Variants in SH3TC2 observed in about 807,000 individuals in gnomAD.
The protein encoded by SH3TC2 is SH3 domain and tetratricopeptide repeats 2.
Under a neutral mutation model 124.5 loss-of-function variants are expected in SH3TC2, and 87 were observed. That is an observed-to-expected ratio of 0.70 (90% confidence interval 0.59 to 0.84). The LOEUF (loss-of-function observed/expected upper bound fraction) is 0.84. Among genes scored for constraint, SH3TC2 ranks in the 40% least tolerant of loss-of-function variants. The probability of loss-of-function intolerance (pLI) is 0.00; values close to 1 mark genes in which losing one functional copy is unlikely to be tolerated. For missense variants in SH3TC2, 1,536 were observed against 1,566.4 expected, an observed-to-expected ratio of 0.98 and a Z score of 0.33; for synonymous variants, 634 against 628.5, an observed-to-expected ratio of 1.01 and a Z score of -0.13.
intron 8 of SH3TC2, among the ~76,000 whole-genome samples, chr5:149,032,237 A>C (rs1201831565): frequency 6.6e-6 from 1 of 152,196 alleles, no homozygotes; most frequent in Non-Finnish European, 1.5e-5. Context: ...CAGTTTAGTC[A>C]ACATTAAGAG....
intron 1 of SH3TC2, among the ~76,000 whole-genome samples, chr5:149,052,751 T>C (rs975941934): frequency 6.6e-6 from 1 of 151,970 alleles, no homozygotes; most frequent in African/African-American, 2.4e-5. Context: ...TTCCCAACTC[T>C]GAAAAGTTAC....
At chr5:149,005,020 G>T (rs1753663689) in intron 16 of SH3TC2, 118 bp from the exon 17 acceptor site, 1 of 1,221,510 alleles carries the variant, frequency 8.2e-7, no homozygotes, top group African/African-American at 1.5e-5. Context: ...TTGTTTGTTT[G>T]CCCAACATCC....
At chr5:149,048,777 G>A (rs2127402535) in intron 2 of SH3TC2, among the ~76,000 whole-genome samples, 1 of 152,240 alleles carries the variant, frequency 6.6e-6, no homozygotes, top group African/African-American at 2.4e-5. Flanking sequence ...AAATTAATGG[G>A]GTCAAGAGAC....
intron 2 of SH3TC2, among the ~76,000 whole-genome samples, chr5:149,049,550 T>G (rs1754522105): frequency 6.6e-6 from 1 of 152,104 alleles, no homozygotes. Context: ...GAGGAGCACT[T>G]AAGCTCAGGA....
In SH3TC2 at chr5:148,999,324, T is replaced by G. The variant is rs1561753843; in HGVS notation, c.*5387A>C. ...ATGACATAAGTAAGTCTGATATAAT[T>G]CTGACAGCCCTGGGCTCAGGGAAGT... On this transcript the variant is annotated 3_prime_UTR_variant, in exon 17 of 17. Coordinates refer to ENST00000515425, the MANE Select transcript of SH3TC2 (RefSeq NM_024577.4). 6.6e-6 allele frequency among the ~76,000 whole-genome samples: 1 copy of G among 152,208 alleles called. No homozygotes were observed. Among genetic ancestry groups the G allele is most frequent in the Non-Finnish European group, 1.5e-5 (1 of 68,038 alleles).
Position 149,028,201 on chromosome 5 carries a change from G to T in SH3TC2, c.1531C>A (p.Leu511Met). The change falls in exon 11 of 17, where the codon CTG becomes ATG. Residue 511 changes from leucine (L) to methionine (M), a missense_variant. Leu to Met is a conservative substitution (Grantham distance 15, BLOSUM62 2). Coordinates refer to ENST00000515425, the MANE Select transcript of SH3TC2 (RefSeq NM_024577.4). ...FSEEDEFVAYLEASRKWAKKS... is the reference protein window; with the variant it reads ...FSEEDEFVAYMEASRKWAKKS... ...TTGGCCCACTTTCTTGATGCCTCCA[G>T]GTAGGCCACAAACTCATCCTCCTCA... 6.2e-7 allele frequency: 1 copy of T among 1,614,044 alleles called. No homozygotes were observed. The highest frequency in any genetic ancestry group is 8.5e-7 in the Non-Finnish European group (1 of 1,180,016).
intron 1 of SH3TC2, among the ~76,000 whole-genome samples, chr5:149,056,298 G>T (rs1050039857): frequency 5.3e-5 from 8 of 151,990 alleles, no homozygotes; most frequent in Non-Finnish European, 1.2e-4. Flanking sequence ...AGTGTCTGTT[G>T]TTTTCCTCTT....
intron 12 of SH3TC2, among the ~76,000 whole-genome samples, chr5:149,018,858 G>A (rs954179093): frequency 4.6e-5 from 7 of 152,056 alleles, no homozygotes; most frequent in African/African-American, 1.5e-4. Context: ...TCCTTCAAGG[G>A]CCTCCTCAAA....
intron 8 of SH3TC2, among the ~76,000 whole-genome samples, chr5:149,037,493 C>T (rs1348085511): frequency 6.6e-6 from 1 of 152,204 alleles, no homozygotes; most frequent in Non-Finnish European, 1.5e-5. Context: ...TTGGCTATTT[C>T]CCACAAGAGA....
chr5:149,006,849 C>T, intron 16 of SH3TC2, 32 bp downstream of exon 16: 1 of 1,605,176 alleles, frequency 6.2e-7, no homozygotes, highest in South Asian at 1.1e-5. Flanking sequence ...TGGGTGGTGG[C>T]TGTCAGGAAA....
At chr5:149,020,688 C>T (rs975857673) in intron 12 of SH3TC2, among the ~76,000 whole-genome samples, 1 of 151,946 alleles carries the variant, frequency 6.6e-6, no homozygotes, top group African/African-American at 2.4e-5. Flanking sequence ...ATAAAAAGAC[C>T]AAAATTGTCA....
At chr5:149,061,698 C>T (rs1004354219) in intron 1 of SH3TC2, among the ~76,000 whole-genome samples, 1 of 152,200 alleles carries the variant, frequency 6.6e-6, no homozygotes, top group African/African-American at 2.4e-5. Flanking sequence ...ATGACAACTG[C>T]ATAACTAGAG....
chr5:149,001,450 G>C lies in SH3TC2; in HGVS notation c.*3261C>G, dbSNP rs1753595910. 1 of 152,102 alleles carries C rather than the reference G, an allele frequency of 6.6e-6. No homozygotes were observed. Among genetic ancestry groups the C allele is most frequent in the South Asian group, 2.1e-4 (1 of 4,826 alleles). 9.4% of individuals were successfully genotyped at this position (152,102 alleles called of 1,614,324 possible). The stretch of plus-strand genomic sequence containing the variant: ...ACAATTAGAATAAAGAGGGTAACTA[G>C]ATCATGTTTGGCTATGATACACTTA... On this transcript the variant is annotated 3_prime_UTR_variant, in exon 17 of 17. Transcript: ENST00000515425.
In SH3TC2 at chr5:148,989,072, T is replaced by C. The variant is rs190478262; in HGVS notation, c.*15639A>G. On this transcript the variant is annotated 3_prime_UTR_variant, in exon 17 of 17. Transcript: ENST00000515425. ...ACACACAAAACAATGTCTTGGATTG[T>C]GGAAGAATTTGCTATTGTCATTGTT... Among the ~76,000 whole-genome samples, 220 of 152,292 alleles carry C rather than the reference T, an allele frequency of 1.4e-3. 2 individuals are homozygous for C. The highest frequency in any genetic ancestry group is 4.9e-3 in the African/African-American group (204 of 41,572).
At chr5:149,024,783 C>A (rs1409647729) in intron 12 of SH3TC2, among the ~76,000 whole-genome samples, 1 of 152,158 alleles carries the variant, frequency 6.6e-6, no homozygotes, top group African/African-American at 2.4e-5. Context: ...CCCATCACAT[C>A]AGGTCAGTGA....
At position 149,040,646 on chromosome 5, in the gene SH3TC2, C is replaced by T; in HGVS notation, c.763G>A (p.Gly255Ser). 1 of 1,614,152 alleles carries T rather than the reference C, an allele frequency of 6.2e-7. No individual in the cohort carries two copies. Among genetic ancestry groups the T allele is most frequent in the Non-Finnish European group, 8.5e-7 (1 of 1,180,030 alleles). ...WFLKNYPGSCGLSRKRDWTGS... is the reference protein window; with the variant it reads ...WFLKNYPGSCSLSRKRDWTGS... ...GTCCAATCCCTCTTCCTGGAAAGGC[C>T]ACAGCTTCCTGGATAATTCTTTAGG... The change falls in exon 7 of 17, where the codon GGC becomes AGC. Residue 255 changes from glycine to serine, a missense_variant. Gly to Ser is a moderately conservative substitution (Grantham distance 56, BLOSUM62 0). Transcript: ENST00000515425.
At chr5:149,047,525 C>T in intron 3 of SH3TC2, 4 of 310,102 alleles carry the variant, frequency 1.3e-5, no homozygotes, top group Non-Finnish European at 2.5e-5. Flanking sequence ...TTTGAAATTA[C>T]CGCATTAGAA....
chr5:149,029,736 C>T (rs1297710098), intron 9 of SH3TC2, among the ~76,000 whole-genome samples: 1 of 152,106 alleles, frequency 6.6e-6, no homozygotes, highest in African/African-American at 2.4e-5. Context: ...TGCAACCGGA[C>T]TAGGTAAGAA....
At position 149,010,538 on chromosome 5, in the gene SH3TC2, G is replaced by T. The variant is rs1017241219; in HGVS notation, c.3205-146C>A. The T allele has an allele frequency of 4.7e-6, 5 of 1,055,728 alleles. 1 individual carries two copies. In the South Asian group the frequency reaches 6.1e-5, roughly 13 times the overall value. 65.4% of individuals were successfully genotyped at this position (1,055,728 alleles called of 1,614,324 possible). A position where few individuals can be genotyped will look rare whatever the true frequency, so the allele number is the denominator to read the frequency against. On this transcript the variant is annotated intron_variant, in intron 13 of 16. Transcript: ENST00000515425. Reference sequence around the variant, plus strand: ...TCCTAAATGTCTTCACACTCCTAGGGCTGGTAAGAGGACTTTAGACATTCT... The same window carrying T: ...TCCTAAATGTCTTCACACTCCTAGGTCTGGTAAGAGGACTTTAGACATTCT...
Sources: gnomAD v4.1 joint callset for allele counts (sites outside exome capture counted in the v4.1 genomes callset) on GRCh38, gnomAD v4.1.1 for gene constraint, MANE v1.5 for transcripts, NCBI Gene and HGNC (gene_info 2026-07-23, HGNC 2026-07-21) for gene names.